The following KDM4C variants were observed in gnomAD, a reference collection of about 807,000 sequenced individuals.
KDM4C encodes lysine demethylase 4C.
In KDM4C, 81 loss-of-function variants were observed where a neutral mutation model predicts 129.3. The observed-to-expected ratio is 0.63, with a 90% CI of 0.52 to 0.75. The LOEUF is 0.75. Ranked by LOEUF, KDM4C falls within the 30% of genes least tolerant of loss-of-function variation. The pLI is 0.00. For missense variants in KDM4C, 1,457 were observed against 1,304.0 expected (o/e 1.12, Z -1.81); for synonymous variants, 573 against 456.1 (o/e 1.26, Z -3.26).
At chr9:6,844,625 T>TGACAA (rs1837530081) in intron 4 of KDM4C, among the ~76,000 whole-genome samples, 1 of 152,220 alleles carries the variant, frequency 6.6e-6, no homozygotes, top group Admixed American at 6.5e-5. Flanking sequence ...GTCAGCACTG[T>TGACAA]GACTGTCTTA....
At chr9:6,897,389 T>C (rs1338990911) in intron 8 of KDM4C, among the ~76,000 whole-genome samples, 1 of 152,220 alleles carries the variant, frequency 6.6e-6, no homozygotes, top group Non-Finnish European at 1.5e-5. Flanking sequence ...GTGTTTTCCC[T>C]CAATGAGGAT....
intron 1 of KDM4C, among the ~76,000 whole-genome samples, chr9:6,732,762 C>T (rs909173169): frequency 2.6e-5 from 4 of 151,568 alleles, no homozygotes; most frequent in African/African-American, 9.7e-5. Context: ...CCTATAACTG[C>T]AGCACTTTGG....
intron 8 of KDM4C, among the ~76,000 whole-genome samples, chr9:6,916,799 T>A (rs1389296186): frequency 6.6e-6 from 1 of 152,218 alleles, no homozygotes; most frequent in African/African-American, 2.4e-5. Context: ...GACCTTCTTG[T>A]TTTTAGAAAT....
chr9:7,038,307 A>G (rs1276896538), intron 15 of KDM4C, among the ~76,000 whole-genome samples: 1 of 151,974 alleles, frequency 6.6e-6, no homozygotes, highest in Non-Finnish European at 1.5e-5. Context: ...CTCAAATTTC[A>G]TTTTTTACAG....
chr9:6,729,980 C>T lies in KDM4C; in HGVS notation c.49+8983C>T, dbSNP rs1317111508. Among the ~76,000 whole-genome samples, 9 of 133,438 alleles carry T rather than the reference C, an allele frequency of 6.7e-5. 1 individual carries two copies. Among genetic ancestry groups the T allele is most frequent in the Non-Finnish European group, 1.1e-4 (7 of 65,304 alleles). 87.5% of individuals were successfully genotyped at this position (133,438 alleles called of 152,430 possible). ...CAAAAATTAGCTGGATGCGGTGGTGCACGCCTGTAGTCCGAACTACTCTGC... is the reference window on the plus strand; with the variant it reads ...CAAAAATTAGCTGGATGCGGTGGTGTACGCCTGTAGTCCGAACTACTCTGC... On this transcript the variant is annotated intron_variant, in intron 1 of 17. Transcript: ENST00000536108.
At position 7,170,156 on chromosome 9, in the gene KDM4C, T is replaced by C; in HGVS notation, c.2994+266T>C. 6.0e-6 allele frequency: 8 copies of C among 1,334,174 alleles called. No individual in the cohort carries two copies. In the South Asian group the frequency reaches 1.2e-4, roughly 20 times the overall value. The allele number at this position is 1,334,174 out of a possible 1,614,324, so 82.6% of individuals were successfully genotyped here. ...GACATTTATTGGTGCACAAAAATACTTACTGAATGTGTGCTCTGTGTAAAA... is the reference window on the plus strand; with the variant it reads ...GACATTTATTGGTGCACAAAAATACCTACTGAATGTGTGCTCTGTGTAAAA... On this transcript the variant is annotated intron_variant, in intron 21 of 21. Coordinates refer to ENST00000381309, the MANE Select transcript of KDM4C (RefSeq NM_015061.6).
chr9:7,026,983 G>A (rs962826122), intron 15 of KDM4C, among the ~76,000 whole-genome samples: 82 of 152,050 alleles, frequency 5.4e-4, no homozygotes, highest in African/African-American at 2.0e-3. Context: ...ATATAATTTT[G>A]AATTCCTTCC....
At chr9:7,143,031 C>G (rs1022190994) in intron 19 of KDM4C, among the ~76,000 whole-genome samples, 4 of 152,218 alleles carry the variant, frequency 2.6e-5, no homozygotes, top group Non-Finnish European at 5.9e-5. Flanking sequence ...TTATCTTCCT[C>G]TACCTCCTTA....
chr9:6,778,407 TAGCTA>T (rs1386007173), intron 1 of KDM4C, among the ~76,000 whole-genome samples: 1 of 151,950 alleles, frequency 6.6e-6, no homozygotes, highest in Non-Finnish European at 1.5e-5. Flanking sequence ...CAGGCCTTTG[TAGCTA>T]AATAACTTAT....
chr9:6,757,432 G>A (rs1047340912), upstream of KDM4C, among the ~76,000 whole-genome samples: 1 of 152,238 alleles, frequency 6.6e-6, no homozygotes, highest in African/African-American at 2.4e-5. Context: ...TTGTTAAAGG[G>A]TTGGGACACG....
intron 17 of KDM4C, among the ~76,000 whole-genome samples, chr9:7,084,186 C>T (rs1480810063): frequency 1.3e-5 from 2 of 152,172 alleles, no homozygotes; most frequent in African/African-American, 4.8e-5. Flanking sequence ...GTGTTGACGA[C>T]CTGTGCCACT....
intron 1 of KDM4C, among the ~76,000 whole-genome samples, chr9:6,740,308 A>C (rs1013956122): frequency 2.0e-5 from 3 of 151,694 alleles, no homozygotes; most frequent in African/African-American, 7.3e-5. Flanking sequence ...GGTTCACGCC[A>C]TTCTCCTGCC....
chr9:6,950,067 A>T (rs1035720358), intron 8 of KDM4C, among the ~76,000 whole-genome samples: 9 of 97,376 alleles, frequency 9.2e-5, no homozygotes, highest in East Asian at 4.2e-4. Context: ...TTGGTGGAGT[A>T]TCTTTTCTTG....
At chr9:6,960,419 A>G (rs1341028830) in intron 8 of KDM4C, among the ~76,000 whole-genome samples, 1 of 151,622 alleles carries the variant, frequency 6.6e-6, no homozygotes, top group East Asian at 1.9e-4. Flanking sequence ...AGCTGGAACT[A>G]TAAGCTTGCA....
intron 17 of KDM4C, chr9:7,076,803 C>T (rs1017743896): frequency 2.7e-5 from 28 of 1,039,012 alleles, no homozygotes; most frequent in African/African-American, 2.2e-4. Flanking sequence ...TTTAGTCCAA[C>T]GTGTCCTACT....
At chr9:6,805,836 A>G (rs529896242) in intron 3 of KDM4C, 62 bp downstream of exon 3, 2 of 1,451,796 alleles carry the variant, frequency 1.4e-6, no homozygotes, top group East Asian at 4.7e-5. Flanking sequence ...ATGTTAAGAA[A>G]CAAAGTAGAC....
intron 1 of KDM4C, among the ~76,000 whole-genome samples, chr9:6,786,669 A>C (rs991421518): frequency 6.6e-6 from 1 of 152,218 alleles, no homozygotes; most frequent in Non-Finnish European, 1.5e-5. Flanking sequence ...AAATAAAGGT[A>C]AAAGAGAAAC....
At chr9:6,725,732 C>A (rs1817103468) in intron 1 of KDM4C, among the ~76,000 whole-genome samples, 1 of 117,264 alleles carries the variant, frequency 8.5e-6, no homozygotes, top group African/African-American at 3.3e-5. Flanking sequence ...TTTTTTGAGA[C>A]AGAGTCTGGA....
At chr9:6,969,242 G>A (rs1831525575) in intron 8 of KDM4C, among the ~76,000 whole-genome samples, 1 of 152,100 alleles carries the variant, frequency 6.6e-6, no homozygotes, top group Non-Finnish European at 1.5e-5. Flanking sequence ...GGCCTGGGTT[G>A]TTAATTACTA....
Sources: gnomAD v4.1 joint callset for allele counts (sites outside exome capture counted in the v4.1 genomes callset) on GRCh38, gnomAD v4.1.1 for gene constraint, MANE v1.5 for transcripts, NCBI Gene and HGNC (gene_info 2026-07-23, HGNC 2026-07-21) for gene names.